The following MYO5A variants were observed in gnomAD, a reference collection of about 807,000 sequenced individuals.
The protein encoded by MYO5A is unconventional myosin-Va.
In MYO5A, 98 loss-of-function variants were observed where a neutral mutation model predicts 249.7. The ratio of observed to expected loss-of-function variants is 0.39; its 90% CI spans 0.33 to 0.46. The LOEUF is 0.46. Ranked by LOEUF, MYO5A falls within the 20% of genes least tolerant of loss-of-function variation. The pLI, the probability that MYO5A is intolerant of heterozygous loss-of-function variation, is 0.98. For synonymous variants in MYO5A, 778 were observed against 810.6 expected (o/e 0.96, Z 0.68); for missense variants, 1,696 against 2,308.8 (o/e 0.73, Z 5.44).
chr15:52,364,293 C>T (rs1226702823), intron 24 of MYO5A, among the ~76,000 whole-genome samples: 1 of 151,750 alleles, frequency 6.6e-6, no homozygotes, highest in African/African-American at 2.4e-5. Flanking sequence ...TATACTATCA[C>T]ATAGCCCAGT....
chr15:52,492,443 T>C (rs1248633345), intron 1 of MYO5A, among the ~76,000 whole-genome samples: 1 of 152,216 alleles, frequency 6.6e-6, no homozygotes, highest in African/African-American at 2.4e-5. Context: ...TAGGGACACA[T>C]TGCTCAGTTT....
intron 15 of MYO5A, among the ~76,000 whole-genome samples, chr15:52,383,920 G>C (rs2041866431): frequency 6.6e-6 from 1 of 152,230 alleles, no homozygotes; most frequent in Non-Finnish European, 1.5e-5. Flanking sequence ...TGGTCTGAGA[G>C]ACGATATGCA....
chr15:52,357,298 A>C (rs896008656), intron 25 of MYO5A, among the ~76,000 whole-genome samples: 2 of 152,104 alleles, frequency 1.3e-5, no homozygotes, highest in Non-Finnish European at 2.9e-5. Context: ...TTACACTGTC[A>C]TAGAACCTTT....
At chr15:52,491,488 A>G (rs1232960117) in intron 1 of MYO5A, among the ~76,000 whole-genome samples, 3 of 152,204 alleles carry the variant, frequency 2.0e-5, no homozygotes, top group Non-Finnish European at 4.4e-5. Flanking sequence ...TACCAACTCT[A>G]GATAATTAAA....
At chr15:52,427,574 A>G (rs1439325365) in intron 3 of MYO5A, among the ~76,000 whole-genome samples, 2 of 152,194 alleles carry the variant, frequency 1.3e-5, no homozygotes, top group East Asian at 3.8e-4. Context: ...AGAAAGGAAA[A>G]GTTAGTATCA....
chr15:52,432,502 T>G (rs555401709), intron 2 of MYO5A, among the ~76,000 whole-genome samples: 1 of 152,364 alleles, frequency 6.6e-6, no homozygotes, highest in African/African-American at 2.4e-5. Flanking sequence ...AAATCTCACT[T>G]CAAATTCCAA....
At chr15:52,414,644 T>C (rs1205835315) in intron 5 of MYO5A, among the ~76,000 whole-genome samples, 1 of 152,194 alleles carries the variant, frequency 6.6e-6, no homozygotes, top group Non-Finnish European at 1.5e-5. Flanking sequence ...CTTTGGGATA[T>C]TCTAATGCTA....
rs761142691 is a variant in MYO5A at position 52,396,347 on chromosome 15, G to C, written c.1370C>G (p.Ala457Gly). ...NSFEQFCINY[A>G]NEKLQQQFNM... Reference sequence around the variant, plus strand: ...GAATTGTTGCTGTAGTTTTTCATTTGCATAATTTATGCAAAACTGTTCAAA... The same window carrying C: ...GAATTGTTGCTGTAGTTTTTCATTTCCATAATTTATGCAAAACTGTTCAAA... The change falls in exon 11 of 42, where the codon GCA becomes GGA. Residue 457 changes from alanine to glycine, a missense_variant. This residue lies in a region of MYO5A where 277 missense variants were observed against 422.4 expected (regional missense o/e 0.66). Coordinates refer to ENST00000399233, the MANE Select transcript of MYO5A (RefSeq NM_001382347.1). 6.4e-7 allele frequency: 1 copy of C among 1,563,300 alleles called. No homozygotes were observed. The highest frequency in any genetic ancestry group is 8.8e-7 in the Non-Finnish European group (1 of 1,136,800).
intron 9 of MYO5A, among the ~76,000 whole-genome samples, chr15:52,405,055 A>G (rs879746443): frequency 4.1e-5 from 2 of 48,666 alleles, no homozygotes; most frequent in South Asian, 9.8e-4. Context: ...TCTCTGTCAC[A>G]CACACACACA....
intron 1 of MYO5A, among the ~76,000 whole-genome samples, chr15:52,475,476 T>C (rs2076572246): frequency 6.6e-6 from 1 of 152,218 alleles, no homozygotes; most frequent in Non-Finnish European, 1.5e-5. Flanking sequence ...TTAATTGTGA[T>C]GTTAGGGTGT....
At chr15:52,351,754 T>G (rs2039965382) in intron 27 of MYO5A, among the ~76,000 whole-genome samples, 1 of 152,234 alleles carries the variant, frequency 6.6e-6, no homozygotes, top group Non-Finnish European at 1.5e-5. Context: ...GTGTGTTCAC[T>G]GGCATGGAGA....
chr15:52,341,341 CAG>C (rs1361337853), intron 31 of MYO5A, among the ~76,000 whole-genome samples: 3 of 152,168 alleles, frequency 2.0e-5, no homozygotes, highest in African/African-American at 7.2e-5. Flanking sequence ...ATATCAGAAA[CAG>C]AATCCTAACA....
At chr15:52,485,429 A>G (rs2076800057) in intron 1 of MYO5A, among the ~76,000 whole-genome samples, 1 of 152,198 alleles carries the variant, frequency 6.6e-6, no homozygotes, top group African/African-American at 2.4e-5. Flanking sequence ...ACATGAGTTA[A>G]GTAGCCTAAG....
chr15:52,373,808 C>T lies in MYO5A; in HGVS notation c.2578-1445G>A, dbSNP rs140448255. ...AACCTCTTTCCTCCCTAAAATCTCA[C>T]GCTTATATAGAAAGAGCATGAGACT... is the stretch of plus-strand genomic sequence containing the variant. On this transcript the variant is annotated intron_variant, in intron 20 of 41. Transcript: ENST00000399233. Among the ~76,000 whole-genome samples, 718 of 152,178 alleles carry T rather than the reference C, an allele frequency of 4.7e-3. 9 individuals carry two copies. Among genetic ancestry groups the T allele is most frequent in the Non-Finnish European group, 5.2e-3 (351 of 68,010 alleles).
chr15:52,524,292 G>C (rs1165995169), intron 1 of MYO5A, among the ~76,000 whole-genome samples: 2 of 152,206 alleles, frequency 1.3e-5, no homozygotes, highest in African/African-American at 4.8e-5. Context: ...GGTGGCTCAT[G>C]TCTGTAATCT....
intron 29 of MYO5A, among the ~76,000 whole-genome samples, chr15:52,346,982 T>C (rs1252361446): frequency 6.6e-6 from 1 of 151,982 alleles, no homozygotes; most frequent in Non-Finnish European, 1.5e-5. Flanking sequence ...ATTCAGATTA[T>C]ATGCTTCAGC....
intron 35 of MYO5A, among the ~76,000 whole-genome samples, chr15:52,330,143 AAT>A (rs769278513): frequency 5.3e-5 from 8 of 152,112 alleles, no homozygotes; most frequent in Non-Finnish European, 1.0e-4. Flanking sequence ...GATCTTGAGC[AAT>A]CCTTGTAGGT....
chr15:52,504,055 T>TC (rs55986422), intron 1 of MYO5A, among the ~76,000 whole-genome samples: 1,224 of 35,546 alleles, frequency 0.034, 24 homozygotes, highest in African/African-American at 0.092. Flanking sequence ...TTTCTCCTTC[T>TC]TTTTTTTTTT....
rs748356688 is a variant in MYO5A at position 52,415,914 on chromosome 15, T to G, written c.612+231A>C. The G allele has an allele frequency of 3.2e-4, 177 of 555,182 alleles. 1 individual carries two copies. The highest frequency in any genetic ancestry group is 4.8e-4 in the Non-Finnish European group (152 of 318,308). The allele number at this position is 555,182 out of a possible 1,614,324, so 34.4% of individuals were successfully genotyped here. A position where few individuals can be genotyped will look rare whatever the true frequency, so the allele number is the denominator to read the frequency against. ...AACAATTTTGCTGGTAGGTCAAAAA[T>G]TCAGGATTATAGACTAAAACAGATT... On this transcript the variant is annotated intron_variant, in intron 5 of 41. Coordinates refer to ENST00000399233, the MANE Select transcript of MYO5A (RefSeq NM_001382347.1).
Sources: gnomAD v4.1 joint callset for allele counts (sites outside exome capture counted in the v4.1 genomes callset) on GRCh38, gnomAD v4.1.1 for gene constraint, gnomAD v4.1.1 regional missense constraint, MANE v1.5 for transcripts, NCBI Gene and HGNC (gene_info 2026-07-23, HGNC 2026-07-21) for gene names.